The following COP1 variants were observed in gnomAD, a reference collection of about 807,000 sequenced individuals.
COP1 encodes E3 ubiquitin-protein ligase COP1.
Under a neutral mutation model 101.3 loss-of-function variants are expected in COP1, and 24 were observed. The observed-to-expected ratio is 0.24, with a 90% CI of 0.17 to 0.33. The LOEUF (loss-of-function observed/expected upper bound fraction) is 0.33, where lower values mean the gene tolerates loss of function less well. Among genes scored for constraint, COP1 ranks in the 10% least tolerant of loss-of-function variants. The pLI is 1.00. For synonymous variants in COP1, 347 were observed against 341.9 expected, an observed-to-expected ratio of 1.01 and a Z score of -0.17; for missense variants, 663 against 906.2, an observed-to-expected ratio of 0.73 and a Z score of 3.45.
intron 15 of COP1, among the ~76,000 whole-genome samples, chr1:176,003,455 G>A (rs984453556): frequency 6.6e-6 from 1 of 151,834 alleles, no homozygotes; most frequent in Non-Finnish European, 1.5e-5. Flanking sequence ...TATTGCCTAG[G>A]TTTTCTTCTA....
At chr1:176,199,888 C>G (rs1412504967) in intron 1 of COP1, among the ~76,000 whole-genome samples, 1 of 152,164 alleles carries the variant, frequency 6.6e-6, no homozygotes, top group East Asian at 1.9e-4. Flanking sequence ...TTCAACTACA[C>G]ACTTATGACC....
At chr1:175,985,747 A>G (rs1401875533) in intron 18 of COP1, among the ~76,000 whole-genome samples, 1 of 152,184 alleles carries the variant, frequency 6.6e-6, no homozygotes, top group Non-Finnish European at 1.5e-5. Flanking sequence ...AAAAATACAT[A>G]CATTTGGTCC....
chr1:176,203,601 A>G (rs1283518737), intron 1 of COP1, among the ~76,000 whole-genome samples: 4 of 152,244 alleles, frequency 2.6e-5, no homozygotes, highest in African/African-American at 9.6e-5. Flanking sequence ...ACAAAATAAC[A>G]AAGACTTCCT....
chr1:176,036,279 G>A (rs1222609830), intron 14 of COP1, among the ~76,000 whole-genome samples: 3 of 151,590 alleles, frequency 2.0e-5, no homozygotes, highest in African/African-American at 7.3e-5. Flanking sequence ...TAAACCCAAA[G>A]CAAGAAGAAA....
intron 4 of COP1, 51 bp from the exon 5 acceptor site, chr1:176,163,039 A>T (rs767232060): frequency 6.5e-7 from 1 of 1,548,710 alleles, no homozygotes; most frequent in Non-Finnish European, 8.7e-7. Flanking sequence ...AGACTGTTTT[A>T]GAGACTAAAA....
chr1:176,123,502 C>T (rs1426266492), intron 8 of COP1, among the ~76,000 whole-genome samples: 2 of 152,022 alleles, frequency 1.3e-5, no homozygotes, highest in Admixed American at 1.3e-4. Flanking sequence ...TGACTCTAAC[C>T]TGAAAGGACA....
intron 14 of COP1, among the ~76,000 whole-genome samples, chr1:176,034,051 C>CT (rs765059394): frequency 2.0e-4 from 31 of 152,274 alleles, no homozygotes; most frequent in Non-Finnish European, 2.4e-4. Context: ...GTAAGCCAAT[C>CT]TCTCTCACTT....
At chr1:176,126,742 GCACCTGGCCATCAA>G (rs1688057017) in intron 8 of COP1, among the ~76,000 whole-genome samples, 1 of 152,098 alleles carries the variant, frequency 6.6e-6, no homozygotes, top group Non-Finnish European at 1.5e-5. Context: ...ATGAGCCACT[GCACCTGGCCATCAA>G]CATCACTTTT....
rs376678922 is a variant in COP1 at position 176,015,824 on chromosome 1, CT to C, written c.1729+11747del. Among the ~76,000 whole-genome samples, 399 of 152,176 alleles carry C rather than the reference CT, an allele frequency of 2.6e-3. 3 individuals are homozygous for C. The highest frequency in any genetic ancestry group is 9.2e-3 in the African/African-American group (381 of 41,520). On this transcript the variant is annotated intron_variant, in intron 15 of 19. Transcript: ENST00000367669. Reference sequence around the variant, plus strand: ...TAATTTGGTGATGATGACAAGAACACTTTTAAGTGGAATTATGGTGGCAGAA... The same window carrying C: ...TAATTTGGTGATGATGACAAGAACACTTTAAGTGGAATTATGGTGGCAGAA...
At chr1:176,083,747 A>G (rs1487016421) in intron 10 of COP1, among the ~76,000 whole-genome samples, 2 of 152,236 alleles carry the variant, frequency 1.3e-5, no homozygotes, top group African/African-American at 4.8e-5. Context: ...GAAAATATAC[A>G]AAGGACAATC....
In COP1 at chr1:176,206,721, C is replaced by T. The variant is rs377369789; in HGVS notation, c.258G>A (p.Leu86=). 1.3e-5 allele frequency: 21 copies of T among 1,590,108 alleles called. No individual in the cohort carries two copies. In the East Asian group the frequency reaches 2.3e-4, roughly 17 times the overall value. ...GSGGGAVSTG[L]SRHSCAARPS... is the part of the protein sequence containing the mutation. ...GCCTGGCCGCGCAGCTGTGCCGGGA[C>T]AGGCCCGTGGACACCGCCCCGCCGC... Residue 86 remains leucine (L), a synonymous_variant, in exon 1 of 20, where the codon CTG becomes CTA. Transcript: ENST00000367669.
intron 11 of COP1, among the ~76,000 whole-genome samples, chr1:176,074,500 G>A (rs1055386878): frequency 6.6e-6 from 1 of 151,820 alleles, no homozygotes; most frequent in Non-Finnish European, 1.5e-5. Context: ...GAAAAAAAAC[G>A]AATGTAGCAT....
intron 1 of COP1, 104 bp downstream of exon 1, chr1:176,206,468 C>G: frequency 7.3e-7 from 1 of 1,368,322 alleles, no homozygotes; most frequent in Admixed American, 2.0e-5. Context: ...ACCAGTATCC[C>G]AAGCTCTCCA....
chr1:176,026,435 CA>C (rs1375983110), intron 15 of COP1, among the ~76,000 whole-genome samples: 1 of 151,952 alleles, frequency 6.6e-6, no homozygotes, highest in Non-Finnish European at 1.5e-5. Flanking sequence ...CTCTATGTTA[CA>C]GATAAAAAAC....
At chr1:175,986,276 C>T (rs1387338462) in intron 18 of COP1, among the ~76,000 whole-genome samples, 1 of 152,090 alleles carries the variant, frequency 6.6e-6, no homozygotes, top group Non-Finnish European at 1.5e-5. Flanking sequence ...GCCTCGGCCT[C>T]CCAAAGTGCT....
At chr1:176,145,365 A>T (rs1691415209) in intron 6 of COP1, among the ~76,000 whole-genome samples, 1 of 135,752 alleles carries the variant, frequency 7.4e-6, no homozygotes, top group South Asian at 2.4e-4. Context: ...TGGCAAGAAC[A>T]CAGTGCAACA....
rs148236878 is a variant in COP1, at chr1:176,076,185, C to A, written c.1277+4967G>T. Among the ~76,000 whole-genome samples, 73 of 151,994 alleles carry A rather than the reference C, an allele frequency of 4.8e-4. 1 individual carries two copies. In the Middle Eastern group the frequency reaches 0.01, roughly 21 times the overall value. ...AGAATATACAAACTCCTCATCTGTACATGGAACATGTTTTAAGATAGACCA... is the reference window on the plus strand; with the variant it reads ...AGAATATACAAACTCCTCATCTGTAAATGGAACATGTTTTAAGATAGACCA... On this transcript the variant is annotated intron_variant, in intron 11 of 19. Transcript: ENST00000367669.
chr1:176,188,476 T>C (rs552320912), intron 1 of COP1, among the ~76,000 whole-genome samples: 1 of 152,120 alleles, frequency 6.6e-6, no homozygotes, highest in African/African-American at 2.4e-5. Context: ...AACAATCCAT[T>C]CAGGACCTCT....
intron 15 of COP1, among the ~76,000 whole-genome samples, chr1:175,994,500 G>A (rs370418947): frequency 6.0e-4 from 91 of 152,094 alleles, no homozygotes; most frequent in Middle Eastern, 3.4e-3. Context: ...CAGGAAACCC[G>A]TCTCACGTGC....
Sources: allele counts gnomAD v4.1 joint callset (sites outside exome capture counted in the v4.1 genomes callset), GRCh38; gene constraint gnomAD v4.1.1; transcripts MANE v1.5; gene names NCBI Gene and HGNC (gene_info 2026-07-23, HGNC 2026-07-21).